Variants in SMYD3 observed in about 807,000 individuals in gnomAD.
SMYD3 encodes histone-lysine N-methyltransferase SMYD3.
SMYD3 carries 36 observed loss-of-function variants against 57.7 expected under a neutral mutation model. The ratio of observed to expected loss-of-function variants is 0.62; its 90% confidence interval spans 0.48 to 0.82. SMYD3 has a LOEUF of 0.82. Among genes scored for constraint, SMYD3 ranks in the 40% least tolerant of loss-of-function variants. The pLI, the probability that SMYD3 is intolerant of heterozygous loss-of-function variation, is 0.00. For missense variants in SMYD3, 515 were observed against 538.8 expected (o/e 0.96, Z 0.44); for synonymous variants, 211 against 195.0 (o/e 1.08, Z -0.68).
chr1:246,043,144 G>C (rs532292366), intron 5 of SMYD3, among the ~76,000 whole-genome samples: 1 of 152,114 alleles, frequency 6.6e-6, no homozygotes, highest in Non-Finnish European at 1.5e-5. Flanking sequence ...ACACAGCATC[G>C]ATTACTCCAT....
chr1:246,248,808 A>ATT (rs1164274725), intron 5 of SMYD3, among the ~76,000 whole-genome samples: 3,004 of 90,398 alleles, frequency 0.033, 284 homozygotes, highest in African/African-American at 0.14. Flanking sequence ...TGCCCGGCTA[A>ATT]TTTTTTTTTT....
intron 5 of SMYD3, among the ~76,000 whole-genome samples, chr1:246,118,194 C>G (rs1048572079): frequency 1.3e-5 from 2 of 152,150 alleles, no homozygotes; most frequent in Non-Finnish European, 2.9e-5. Flanking sequence ...CAGTAGCTGA[C>G]TTTTAGTTTA....
intron 1 of SMYD3, among the ~76,000 whole-genome samples, chr1:246,380,670 T>C (rs2066372380): frequency 6.6e-6 from 1 of 152,242 alleles, no homozygotes; most frequent in Admixed American, 6.5e-5. Context: ...TTTCAAGGAC[T>C]GTTGATGCTA....
intron 5 of SMYD3, among the ~76,000 whole-genome samples, chr1:246,046,709 A>G (rs1053146904): frequency 6.7e-6 from 1 of 149,340 alleles, no homozygotes; most frequent in Non-Finnish European, 1.5e-5. Context: ...TTTTATATAC[A>G]TATATGTAGC....
At chr1:246,173,109 C>G (rs2062371023) in intron 5 of SMYD3, among the ~76,000 whole-genome samples, 1 of 151,068 alleles carries the variant, frequency 6.6e-6, no homozygotes, top group South Asian at 2.1e-4. Context: ...TTTATCAACA[C>G]TACACACTTA....
intron 5 of SMYD3, among the ~76,000 whole-genome samples, chr1:246,103,179 T>C (rs539441756): frequency 6.1e-4 from 93 of 152,228 alleles, no homozygotes; most frequent in Non-Finnish European, 9.7e-4. Flanking sequence ...TAAAGGTCTA[T>C]ATCAGAAAAC....
chr1:245,774,312 G>A (rs2046452764), intron 10 of SMYD3, among the ~76,000 whole-genome samples: 1 of 152,162 alleles, frequency 6.6e-6, no homozygotes, highest in African/African-American at 2.4e-5. Context: ...GGAATGGTAA[G>A]TAAGACATGA....
chr1:246,284,963 CTT>C (rs35254468), intron 5 of SMYD3, among the ~76,000 whole-genome samples: 1 of 145,946 alleles, frequency 6.9e-6, no homozygotes. Flanking sequence ...ACTGCCTTTC[CTT>C]TTTTTTTTTT....
intron 10 of SMYD3, among the ~76,000 whole-genome samples, chr1:245,790,525 T>C (rs2047223985): frequency 6.6e-6 from 1 of 152,220 alleles, no homozygotes; most frequent in African/African-American, 2.4e-5. Flanking sequence ...TTTCTATACT[T>C]GGCTCCAAAC....
chr1:245,791,752 C>T lies in SMYD3; in HGVS notation c.1077-27603G>A, dbSNP rs374711876. Among the ~76,000 whole-genome samples the T allele has an allele frequency of 1.4e-4, 22 of 152,244 alleles. No individual in the cohort carries two copies. The East Asian group carries it at 3.5e-3, about 24-fold the overall frequency. ...TAGATTGTGTCTGATACGCAGAGGT[C>T]ACATGTGTTTGGAAGCCACTGAAAA... On this transcript the variant is annotated intron_variant, in intron 10 of 11. Coordinates refer to ENST00000490107, the MANE Select transcript of SMYD3 (RefSeq NM_001167740.2).
At position 246,117,805 on chromosome 1, in the gene SMYD3, A is replaced by G. The variant is rs2061365127; in HGVS notation, c.532-187868T>C. Among the ~76,000 whole-genome samples, 6 of 152,274 alleles carry G rather than the reference A, an allele frequency of 3.9e-5. No homozygotes were observed. In the South Asian group the frequency reaches 1.2e-3, roughly 32 times the overall value. On this transcript the variant is annotated intron_variant, in intron 5 of 11. Coordinates refer to ENST00000490107, the MANE Select transcript of SMYD3 (RefSeq NM_001167740.2). Reference sequence around the variant, plus strand: ...CCCAAGAATCTTTTATAGTAAAAACATAACTACTTTAAAAACTTGGTTCTT... The same window carrying G: ...CCCAAGAATCTTTTATAGTAAAAACGTAACTACTTTAAAAACTTGGTTCTT...
In SMYD3 at chr1:245,874,135, C is replaced by T. The variant is rs547433514; in HGVS notation, c.814-10249G>A. On this transcript the variant is annotated intron_variant, in intron 8 of 11. Coordinates refer to ENST00000490107, the MANE Select transcript of SMYD3 (RefSeq NM_001167740.2). ...TTCATTCTATTTTAAACTGAGTTTT[C>T]TCAAGTATAAACAACCCCAGCCATA... is the stretch of plus-strand genomic sequence containing the variant. 3.3e-5 allele frequency among the ~76,000 whole-genome samples: 5 copies of T among 152,254 alleles called. No homozygotes were observed. The South Asian group carries it at 1.0e-3, about 32-fold the overall frequency.
chr1:246,495,155 C>G (rs2068338182), intron 1 of SMYD3, among the ~76,000 whole-genome samples: 1 of 151,990 alleles, frequency 6.6e-6, no homozygotes, highest in African/African-American at 2.4e-5. Flanking sequence ...CGAGACCATC[C>G]TGGCTAACAC....
chr1:246,085,807 A>C lies in SMYD3; in HGVS notation c.532-155870T>G, dbSNP rs1211761998. On this transcript the variant is annotated intron_variant, in intron 5 of 11. Transcript: ENST00000490107. ...AGAGGGGGTCCCAGCTACCCAAAAT[A>C]AGTAGCAGGAAAGATACTTTTCCTC... Among the ~76,000 whole-genome samples the C allele has an allele frequency of 1.3e-5, 2 of 152,088 alleles. 1 individual carries two copies. The highest frequency in any genetic ancestry group is 3.9e-4 in the East Asian group (2 of 5,188).
chr1:246,147,980 C>G (rs899050659), intron 5 of SMYD3, among the ~76,000 whole-genome samples: 1 of 152,154 alleles, frequency 6.6e-6, no homozygotes, highest in East Asian at 1.9e-4. Context: ...TCTCCAGATG[C>G]CTGCTCTGAT....
chr1:246,273,705 C>A (rs371993801), intron 5 of SMYD3, among the ~76,000 whole-genome samples: 45 of 151,390 alleles, frequency 3.0e-4, no homozygotes, highest in African/African-American at 1.1e-3. Flanking sequence ...CTGCCTCAGC[C>A]TCCTGAGTAG....
intron 8 of SMYD3, among the ~76,000 whole-genome samples, chr1:245,896,291 G>A (rs1341349651): frequency 2.7e-5 from 4 of 147,710 alleles, no homozygotes; most frequent in African/African-American, 1.0e-4. Context: ...CAATCAAGAT[G>A]CTGTAAGTTC....
intron 5 of SMYD3, chr1:246,186,892 C>T (rs1399651141): frequency 1.0e-6 from 1 of 985,442 alleles, no homozygotes; most frequent in South Asian, 4.7e-5. Context: ...GTCTCTGAAG[C>T]CCCTTAGAGT....
chr1:246,461,727 C>CT (rs1159513668), intron 1 of SMYD3, among the ~76,000 whole-genome samples: 1 of 98,036 alleles, frequency 1.0e-5, no homozygotes, highest in Non-Finnish European at 1.9e-5. Flanking sequence ...GAACTGGACT[C>CT]TGTCTCAAAA....
Sources: gnomAD v4.1 joint callset for allele counts (sites outside exome capture counted in the v4.1 genomes callset) on GRCh38, gnomAD v4.1.1 for gene constraint, MANE v1.5 for transcripts, NCBI Gene and HGNC (gene_info 2026-07-23, HGNC 2026-07-21) for gene names.